Variants in SLC35F4 observed in about 807,000 individuals in gnomAD.
SLC35F4 encodes chromosome 14 open reading frame 36.
In SLC35F4, 24 loss-of-function variants were observed where a neutral mutation model predicts 44.2. The ratio of observed to expected loss-of-function variants is 0.54; its 90% CI spans 0.39 to 0.76. The LOEUF is 0.76. Ranked by LOEUF, SLC35F4 falls within the 30% of genes least tolerant of loss-of-function variation. SLC35F4 has a pLI of 0.00. For synonymous variants in SLC35F4, 238 were observed against 223.6 expected (o/e 1.06, Z -0.57); for missense variants, 562 against 586.1 (o/e 0.96, Z 0.42).
intron 1 of SLC35F4, among the ~76,000 whole-genome samples, chr14:57,793,781 G>A (rs2140818711): frequency 6.6e-6 from 1 of 151,986 alleles, no homozygotes; most frequent in East Asian, 1.9e-4. Flanking sequence ...ATTTACTTTT[G>A]GTTCTTTGAG....
At chr14:57,716,803 G>T (rs2075957286) in intron 1 of SLC35F4, among the ~76,000 whole-genome samples, 1 of 152,128 alleles carries the variant, frequency 6.6e-6, no homozygotes, top group Admixed American at 6.5e-5. Context: ...ATTCTACAGT[G>T]CTATAGAACA....
At position 57,860,552 on chromosome 14, in the gene SLC35F4, T is replaced by G. The variant is rs1210009272; in HGVS notation, c.103+5171A>C. Among the ~76,000 whole-genome samples, 3 of 152,156 alleles carry G rather than the reference T, an allele frequency of 2.0e-5. No individual in the cohort carries two copies. The East Asian group carries it at 5.8e-4, about 29-fold the overall frequency. On this transcript the variant is annotated intron_variant, in intron 1 of 7. Transcript: ENST00000556826. Reference sequence around the variant, plus strand: ...TGTCCCAGGTCTCAGAGCCAGTTGCTGGCAGGTTTAAGGATATAATTAATT... The same window carrying G: ...TGTCCCAGGTCTCAGAGCCAGTTGCGGGCAGGTTTAAGGATATAATTAATT...
At chr14:57,644,388 G>A (rs1214498975) in intron 1 of SLC35F4, among the ~76,000 whole-genome samples, 8 of 151,772 alleles carry the variant, frequency 5.3e-5, no homozygotes, top group Non-Finnish European at 7.4e-5. Flanking sequence ...GCATTTTTTC[G>A]AGTGTTTTTT....
rs548983854 is a variant in SLC35F4, at chr14:57,853,760, A to G, written c.103+11963T>C. Among the ~76,000 whole-genome samples, 5 of 152,332 alleles carry G rather than the reference A, an allele frequency of 3.3e-5. No individual in the cohort carries two copies. The South Asian group carries it at 1.0e-3, about 32-fold the overall frequency. On this transcript the variant is annotated intron_variant, in intron 1 of 7. Transcript: ENST00000556826. ...GACAAGAATGGGGAGCATGTGCCAG[A>G]GAAAAAGAGATGAAAGACAGAGCAA... is the stretch of plus-strand genomic sequence containing the variant.
intron 1 of SLC35F4, among the ~76,000 whole-genome samples, chr14:57,899,263 G>T (rs1433424751): frequency 6.6e-6 from 1 of 152,132 alleles, no homozygotes; most frequent in Non-Finnish European, 1.5e-5. Flanking sequence ...TCCATTTCCT[G>T]CATTATTTCC....
intron 1 of SLC35F4, among the ~76,000 whole-genome samples, chr14:57,758,155 C>G (rs1454861988): frequency 6.6e-6 from 1 of 151,718 alleles, no homozygotes; most frequent in East Asian, 1.9e-4. Flanking sequence ...GTTTTTTTGT[C>G]TCTGGCTGCT....
chr14:57,623,221 T>C (rs2072289723), intron 1 of SLC35F4, among the ~76,000 whole-genome samples: 3 of 152,164 alleles, frequency 2.0e-5, no homozygotes, highest in South Asian at 2.1e-4. Context: ...AAGAAGGGCA[T>C]TACATAATGG....
intron 1 of SLC35F4, among the ~76,000 whole-genome samples, chr14:57,955,672 A>T (rs1890222911): frequency 6.6e-6 from 1 of 152,228 alleles, no homozygotes; most frequent in Non-Finnish European, 1.5e-5. Flanking sequence ...CCAAATCATG[A>T]GTGAACTCCC....
At chr14:57,710,461 G>A (rs1168308316) in intron 1 of SLC35F4, among the ~76,000 whole-genome samples, 1 of 152,064 alleles carries the variant, frequency 6.6e-6, no homozygotes, top group Admixed American at 6.5e-5. Flanking sequence ...CCCTACTAGG[G>A]CACTGCCTAG....
chr14:57,566,518 G>A lies in SLC35F4; in HGVS notation c.1173C>T (p.Ile391=), dbSNP rs750507843. 4.4e-6 allele frequency: 7 copies of A among 1,602,096 alleles called. 1 individual carries two copies. In the South Asian group the frequency reaches 6.8e-5, roughly 16 times the overall value. The change falls in exon 7 of 8, where the codon ATC becomes ATT. Residue 391 remains isoleucine (I), a synonymous_variant. Coordinates refer to ENST00000556826, the MANE Select transcript of SLC35F4 (RefSeq NM_001306087.2). ...TGAGCACTGTCCCAATGGAGATTAG[G>A]ATTGGGTATGTCAGCACCACCCCAA... ...VNVGVVLTYP[I]LISIGTVLSV... is the part of the protein sequence containing the mutation.
intron 1 of SLC35F4, among the ~76,000 whole-genome samples, chr14:57,876,989 A>C (rs930044054): frequency 1.3e-5 from 2 of 151,672 alleles, no homozygotes; most frequent in Admixed American, 6.6e-5. Context: ...CAGGTGACCC[A>C]TCTTTTTTTT....
chr14:57,876,227 C>T (rs1888397230), intron 1 of SLC35F4, among the ~76,000 whole-genome samples: 1 of 152,100 alleles, frequency 6.6e-6, no homozygotes. Flanking sequence ...GGGCTGTTCC[C>T]ACAACCAAGA....
At chr14:57,760,125 T>A (rs1299098397) in intron 1 of SLC35F4, among the ~76,000 whole-genome samples, 1 of 152,144 alleles carries the variant, frequency 6.6e-6, no homozygotes, top group Non-Finnish European at 1.5e-5. Flanking sequence ...CAAAGAGCTT[T>A]TTCCCAGTTG....
intron 3 of SLC35F4, among the ~76,000 whole-genome samples, chr14:57,583,488 GGAGTGCTCCTAAGCAAAGATTTT>G (rs1426571257): frequency 2.0e-5 from 3 of 152,166 alleles, no homozygotes; most frequent in African/African-American, 7.2e-5. Flanking sequence ...AGAGCTGGGA[GGAGTGCTCCTAAGCAAAGATTTT>G]GGATGCAGGA....
intron 2 of SLC35F4, among the ~76,000 whole-genome samples, chr14:57,591,859 A>G (rs1383180428): frequency 6.6e-6 from 1 of 152,222 alleles, no homozygotes; most frequent in Non-Finnish European, 1.5e-5. Flanking sequence ...TAACTCTACA[A>G]AGATTCTGAG....
At chr14:57,972,827 A>G (rs1881093282), downstream of SLC35F4, among the ~76,000 whole-genome samples, 1 of 152,180 alleles carries the variant, frequency 6.6e-6, no homozygotes, top group Non-Finnish European at 1.5e-5. Context: ...CTCTAGTCAT[A>G]TGGAAGGTTA....
At chr14:57,842,499 C>A (rs1444360744) in intron 1 of SLC35F4, among the ~76,000 whole-genome samples, 2 of 152,118 alleles carry the variant, frequency 1.3e-5, no homozygotes, top group Non-Finnish European at 2.9e-5. Flanking sequence ...TGGCCACCCA[C>A]CAGACATGGG....
chr14:57,693,541 C>T (rs550682355), intron 1 of SLC35F4, among the ~76,000 whole-genome samples: 1 of 152,308 alleles, frequency 6.6e-6, no homozygotes, highest in South Asian at 2.1e-4. Context: ...AGCCAGAGCC[C>T]ATCCCTTTAT....
intron 1 of SLC35F4, among the ~76,000 whole-genome samples, chr14:57,953,697 T>C (rs1019108451): frequency 2.6e-5 from 4 of 152,156 alleles, no homozygotes; most frequent in African/African-American, 9.7e-5. Flanking sequence ...TACATAATTG[T>C]AAAGGTATCA....
Sources: gnomAD v4.1 joint callset for allele counts (sites outside exome capture counted in the v4.1 genomes callset) on GRCh38, gnomAD v4.1.1 for gene constraint, MANE v1.5 for transcripts, NCBI Gene and HGNC (gene_info 2026-07-23, HGNC 2026-07-21) for gene names.